Variants in PRKD1 observed in about 807,000 individuals in gnomAD.
The protein encoded by PRKD1 is serine/threonine-protein kinase D1.
PRKD1 carries 63 observed loss-of-function variants against 95.9 expected under a neutral mutation model. The observed-to-expected ratio is 0.66, with a 90% CI of 0.54 to 0.81. PRKD1 has a LOEUF of 0.81. Ranked by LOEUF, PRKD1 falls within the 30% of genes least tolerant of loss-of-function variation. The pLI, the probability that PRKD1 is intolerant of heterozygous loss-of-function variation, is 0.00. For missense variants in PRKD1, 1,048 were observed against 1,165.3 expected, an observed-to-expected ratio of 0.90 and a Z score of 1.47; for synonymous variants, 425 against 423.1, an observed-to-expected ratio of 1.00 and a Z score of -0.05.
At chr14:29,749,030 G>A (rs1344138189) in intron 1 of PRKD1, among the ~76,000 whole-genome samples, 4 of 150,582 alleles carry the variant, frequency 2.7e-5, no homozygotes, top group African/African-American at 9.7e-5. Flanking sequence ...TTAACTATAA[G>A]TATATGTAGG....
chr14:29,821,671 G>A (rs1444093529), intron 1 of PRKD1, among the ~76,000 whole-genome samples: 2 of 152,038 alleles, frequency 1.3e-5, no homozygotes, highest in South Asian at 4.2e-4. Flanking sequence ...AAGGAAAAAA[G>A]GTTCACAAAC....
intron 1 of PRKD1, among the ~76,000 whole-genome samples, chr14:29,788,438 C>T (rs190769067): frequency 3.5e-3 from 537 of 152,254 alleles, no homozygotes; most frequent in Admixed American, 5.4e-3. Context: ...TTTTGACCTT[C>T]CTTATCTGAG....
At chr14:29,626,318 G>A (rs1450576164) in intron 12 of PRKD1, among the ~76,000 whole-genome samples, 166 bp downstream of exon 12, 1 of 152,016 alleles carries the variant, frequency 6.6e-6, no homozygotes, top group Non-Finnish European at 1.5e-5. Context: ...TTTCCAAGTA[G>A]TAACTATCTC....
intron 13 of PRKD1, among the ~76,000 whole-genome samples, chr14:29,619,347 G>A (rs946600800): frequency 7.2e-5 from 11 of 152,076 alleles, no homozygotes; most frequent in Admixed American, 7.2e-4. Flanking sequence ...TAACTAACCA[G>A]CCTTTTGCTA....
rs576354393 is a variant in PRKD1, at chr14:29,593,148, G to T, written c.2434+4343C>A. ...TGGGTGATTAAACGAATTCACATAT[G>T]AGTGTTTAGAATAGTGCCTGGCTAC... On this transcript the variant is annotated intron_variant, in intron 16 of 17. Transcript: ENST00000331968. Among the ~76,000 whole-genome samples, 46 of 152,186 alleles carry T rather than the reference G, an allele frequency of 3.0e-4. 1 individual carries two copies. The South Asian group carries it at 8.9e-3, about 30-fold the overall frequency.
At position 29,736,895 on chromosome 14, in the gene PRKD1, G is replaced by A. The variant is rs1048109604; in HGVS notation, c.265-11221C>T. ...GTAGCTGAAATGTGACCTGGCCAAC[G>A]GGAAACCTAAGGAACAAAGGGTGCT... On this transcript the variant is annotated intron_variant, in intron 1 of 17. Transcript: ENST00000331968. Among the ~76,000 whole-genome samples the A allele has an allele frequency of 9.3e-4, 142 of 152,118 alleles. 1 individual carries two copies. The highest frequency in any genetic ancestry group is 1.5e-4 in the Non-Finnish European group (10 of 68,028).
Position 29,782,958 on chromosome 14 carries a change from G to A in PRKD1, c.265-57284C>T, listed in dbSNP as rs145804629. On this transcript the variant is annotated intron_variant, in intron 1 of 17. Transcript: ENST00000331968. ...TGCAATTTGTATTGATCAAATCAGG[G>A]TATTTAGGATATCCATCACCTCAAA... Among the ~76,000 whole-genome samples the A allele has an allele frequency of 1.6e-3, 247 of 152,232 alleles. 2 individuals carry two copies. The highest frequency in any genetic ancestry group is 5.8e-3 in the African/African-American group (241 of 41,536).
At chr14:29,578,543 T>TAA (rs992449669) in intron 16 of PRKD1, among the ~76,000 whole-genome samples, 183 bp from the exon 17 acceptor site, 729 of 42,664 alleles carry the variant, frequency 0.017, 61 homozygotes, top group African/African-American at 0.05. Context: ...TTTTGGATAC[T>TAA]AAAAAAAAAA....
At chr14:29,622,260 A>G (rs953364014) in intron 13 of PRKD1, among the ~76,000 whole-genome samples, 2 of 152,130 alleles carry the variant, frequency 1.3e-5, no homozygotes, top group Admixed American at 1.3e-4. Flanking sequence ...TGTTCGGCCC[A>G]GTTCCTAACA....
At chr14:29,717,790 A>G (rs1885697271) in intron 2 of PRKD1, among the ~76,000 whole-genome samples, 1 of 152,188 alleles carries the variant, frequency 6.6e-6, no homozygotes, top group South Asian at 2.1e-4. Context: ...CATATGAAAT[A>G]AGAGGCTTCA....
intron 1 of PRKD1, among the ~76,000 whole-genome samples, chr14:29,862,073 C>A (rs1033528783): frequency 6.6e-6 from 1 of 152,184 alleles, no homozygotes; most frequent in Non-Finnish European, 1.5e-5. Context: ...TACTCTGTAT[C>A]CCCATGGGTT....
At chr14:29,648,239 T>C (rs1566512100) in intron 4 of PRKD1, among the ~76,000 whole-genome samples, 1 of 152,266 alleles carries the variant, frequency 6.6e-6, no homozygotes, top group East Asian at 1.9e-4. Flanking sequence ...TTAACTTTTC[T>C]ACTTCAATCC....
intron 1 of PRKD1, among the ~76,000 whole-genome samples, chr14:29,880,884 C>A (rs1893487025): frequency 6.6e-6 from 1 of 152,154 alleles, no homozygotes; most frequent in Non-Finnish European, 1.5e-5. Flanking sequence ...GCCAATTTCT[C>A]CATTTGGAAT....
At chr14:29,745,425 G>A (rs148971098) in intron 1 of PRKD1, among the ~76,000 whole-genome samples, 112 of 152,224 alleles carry the variant, frequency 7.4e-4, no homozygotes, top group African/African-American at 2.5e-3. Flanking sequence ...AAGTCACAAC[G>A]TGAGCTGTTT....
intron 1 of PRKD1, among the ~76,000 whole-genome samples, chr14:29,841,642 C>T (rs532811053): frequency 4.5e-4 from 68 of 152,276 alleles, no homozygotes; most frequent in African/African-American, 1.5e-3. Flanking sequence ...CCATGGGGAA[C>T]TATAAGTCCA....
At chr14:29,627,009 G>A (rs548486489) in intron 11 of PRKD1, among the ~76,000 whole-genome samples, 26 of 151,462 alleles carry the variant, frequency 1.7e-4, no homozygotes, top group African/African-American at 5.6e-4. Context: ...CACCACACTC[G>A]GCCTCAAAGC....
In PRKD1 at chr14:29,927,411, C is replaced by T; in HGVS notation, c.102G>A (p.Gly34=). Residue 34 remains glycine (G), a synonymous_variant, in exon 1 of 18, where the codon GGG becomes GGA. Coordinates refer to ENST00000331968, the MANE Select transcript of PRKD1 (RefSeq NM_002742.3). ...AAALVPGSGP[G]PAPFLAPVAA... is the part of the protein sequence containing the mutation. ...CGACAGGAGCCAAGAACGGCGCGGG[C>T]CCGGGCCCGGACCCTGGGACCAGTG... 1 of 1,504,050 alleles carries T rather than the reference C, an allele frequency of 6.6e-7. No homozygotes were observed. The allele number at this position is 1,504,050 out of a possible 1,614,324, so 93.2% of individuals were successfully genotyped here.
intron 1 of PRKD1, among the ~76,000 whole-genome samples, chr14:29,871,238 G>A (rs921653973): frequency 1.3e-5 from 2 of 152,064 alleles, no homozygotes; most frequent in African/African-American, 2.4e-5. Context: ...TACTCTCCAC[G>A]GAAAGTAGGA....
At chr14:29,725,918 C>G (rs1184377704) in intron 1 of PRKD1, among the ~76,000 whole-genome samples, 1 of 151,946 alleles carries the variant, frequency 6.6e-6, no homozygotes, top group Non-Finnish European at 1.5e-5. Flanking sequence ...AATTAGACAG[C>G]AAGAAAACAA....
Sources: gnomAD v4.1 joint callset for allele counts (sites outside exome capture counted in the v4.1 genomes callset) on GRCh38, gnomAD v4.1.1 for gene constraint, MANE v1.5 for transcripts, NCBI Gene and HGNC (gene_info 2026-07-23, HGNC 2026-07-21) for gene names.